PCCA: variants seen among roughly 807,000 people sequenced by gnomAD.
The protein encoded by PCCA is propionyl-CoA carboxylase alpha chain, mitochondrial.
In PCCA, 74 loss-of-function variants were observed where a neutral mutation model predicts 101.3. The ratio of observed to expected loss-of-function variants is 0.73; its 90% CI spans 0.61 to 0.89. The LOEUF (loss-of-function observed/expected upper bound fraction) is 0.89. Ranked by LOEUF, PCCA falls within the 40% of genes least tolerant of loss-of-function variation. The probability of loss-of-function intolerance (pLI) is 0.00; values close to 1 mark genes in which losing one functional copy is unlikely to be tolerated. For synonymous variants in PCCA, 294 were observed against 313.6 expected, an observed-to-expected ratio of 0.94 and a Z score of 0.66; for missense variants, 891 against 907.0, an observed-to-expected ratio of 0.98 and a Z score of 0.23.
chr13:100,483,178 A>T (rs1043341423), intron 21 of PCCA, among the ~76,000 whole-genome samples: 3 of 152,330 alleles, frequency 2.0e-5, no homozygotes, highest in African/African-American at 7.2e-5. Context: ...TCCATCATTA[A>T]AAGTACAACT....
intron 12 of PCCA, among the ~76,000 whole-genome samples, chr13:100,298,952 A>C (rs1321204052): frequency 6.6e-6 from 1 of 151,736 alleles, no homozygotes; most frequent in African/African-American, 2.4e-5. Flanking sequence ...TTGGAATCCT[A>C]TGTATTTAGA....
intron 2 of PCCA, among the ~76,000 whole-genome samples, chr13:100,107,042 C>T (rs955378605): frequency 6.6e-6 from 1 of 152,200 alleles, no homozygotes; most frequent in Non-Finnish European, 1.5e-5. Flanking sequence ...TCATTAAATA[C>T]TGACCTGGTT....
At position 100,437,292 on chromosome 13, in the gene PCCA, T is replaced by C. The variant is rs189949157; in HGVS notation, c.1845+11561T>C. Among the ~76,000 whole-genome samples, 463 of 152,298 alleles carry C rather than the reference T, an allele frequency of 3.0e-3. 1 individual carries two copies. Among genetic ancestry groups the C allele is most frequent in the African/African-American group, 0.011 (440 of 41,578 alleles). Reference sequence around the variant, plus strand: ...GAAAATCATACTCTCGGAAAAAGTCTAATCATTGTGGATAACTTTGAATAT... The same window carrying C: ...GAAAATCATACTCTCGGAAAAAGTCCAATCATTGTGGATAACTTTGAATAT... On this transcript the variant is annotated intron_variant, in intron 20 of 23. Transcript: ENST00000376285.
intron 19 of PCCA, among the ~76,000 whole-genome samples, chr13:100,413,073 CTGGAAAATCCT>C (rs1395372057): frequency 2.6e-5 from 4 of 152,144 alleles, no homozygotes; most frequent in Admixed American, 6.6e-5. Flanking sequence ...TGCAAACCTG[CTGGAAAATCCT>C]TGGTAGATAG....
chr13:100,410,007 A>G (rs1043506580), intron 19 of PCCA, among the ~76,000 whole-genome samples: 6 of 151,912 alleles, frequency 3.9e-5, no homozygotes, highest in Non-Finnish European at 5.9e-5. Flanking sequence ...TGATCCACCC[A>G]CCTCAGCCTC....
intron 6 of PCCA, among the ~76,000 whole-genome samples, chr13:100,173,697 A>G (rs1182717244): frequency 6.6e-6 from 1 of 151,874 alleles, no homozygotes; most frequent in Non-Finnish European, 1.5e-5. Flanking sequence ...TAAATGTGAT[A>G]TGGTTTGGCT....
intron 4 of PCCA, among the ~76,000 whole-genome samples, chr13:100,119,325 G>A (rs1367706996): frequency 2.6e-5 from 4 of 151,520 alleles, no homozygotes; most frequent in Admixed American, 6.6e-5. Context: ...TTGTTTCCTC[G>A]CATGTTTAAA....
At chr13:100,244,066 C>A (rs997096195) in intron 8 of PCCA, among the ~76,000 whole-genome samples, 1 of 152,130 alleles carries the variant, frequency 6.6e-6, no homozygotes, top group Non-Finnish European at 1.5e-5. Context: ...AAAAACATTA[C>A]AATTTATACC....
intron 7 of PCCA, among the ~76,000 whole-genome samples, chr13:100,219,374 G>C (rs1014440637): frequency 3.3e-5 from 5 of 152,160 alleles, no homozygotes; most frequent in African/African-American, 1.2e-4. Flanking sequence ...ATGAATGGTG[G>C]AGTCCTCAAG....
chr13:100,249,199 A>G (rs987760468), intron 8 of PCCA, among the ~76,000 whole-genome samples: 5 of 152,110 alleles, frequency 3.3e-5, no homozygotes, highest in African/African-American at 1.2e-4. Context: ...ATGTTCTTCT[A>G]TTTTTTCTCT....
chr13:100,529,501 C>T lies in PCCA; in HGVS notation c.2119-597C>T, dbSNP rs548587857. Among the ~76,000 whole-genome samples, 3 of 152,246 alleles carry T rather than the reference C, an allele frequency of 2.0e-5. No homozygotes were observed. In the South Asian group the frequency reaches 6.2e-4, roughly 32 times the overall value. On this transcript the variant is annotated intron_variant, in intron 23 of 23. Transcript: ENST00000376285. ...GAAAGCAAAACTTGATAAAGATTGA[C>T]TGAAACCGGTAGGACAAAAAGGCAC...
chr13:100,340,257 A>C lies in PCCA; in HGVS notation c.1641A>C (p.Ser547=). 6.7e-7 allele frequency: 1 copy of C among 1,498,222 alleles called. No homozygotes were observed. The highest frequency in any genetic ancestry group is 9.3e-7 in the Non-Finnish European group (1 of 1,074,360). The allele number at this position is 1,498,222 out of a possible 1,614,324, so 92.8% of individuals were successfully genotyped here. Residue 547 remains serine, a splice_region_variant and synonymous_variant, in exon 18 of 24, where the codon TCA becomes TCC. Transcript: ENST00000376285. ...GAGCACAACATTTTCAAGAAAATTC[A>C]AGGTATGGTAGATCATTTAAAACAG... is the stretch of plus-strand genomic sequence containing the variant. The part of the protein sequence containing the change: ...QLRAQHFQEN[S]RMPVIKPDIA...
chr13:100,089,882 A>AC (rs1303726154), intron 1 of PCCA, among the ~76,000 whole-genome samples: 1 of 152,100 alleles, frequency 6.6e-6, no homozygotes, highest in African/African-American at 2.4e-5. Context: ...TGTTCTGTAT[A>AC]CCTAGGCTGT....
intron 20 of PCCA, among the ~76,000 whole-genome samples, chr13:100,440,195 TATATATATATATATAA>T (rs1197133915): frequency 1.9e-4 from 13 of 67,740 alleles, no homozygotes; most frequent in African/African-American, 7.4e-4. Flanking sequence ...TATATATATA[TATATATATATATATAA>T]AACGTGATAA....
At chr13:100,430,268 AAAAC>A (rs1019335153) in intron 20 of PCCA, among the ~76,000 whole-genome samples, 9 of 152,266 alleles carry the variant, frequency 5.9e-5, no homozygotes, top group East Asian at 3.9e-4. Context: ...CTCCGTCTCA[AAAAC>A]AAACAAACAA....
intron 16 of PCCA, among the ~76,000 whole-genome samples, chr13:100,317,464 A>G (rs1343293767): frequency 6.6e-6 from 1 of 152,146 alleles, no homozygotes; most frequent in East Asian, 1.9e-4. Flanking sequence ...CAGGCATCTC[A>G]AATTTAACTT....
At chr13:100,366,335 T>A (rs377014165) in intron 18 of PCCA, among the ~76,000 whole-genome samples, 1 of 152,104 alleles carries the variant, frequency 6.6e-6, no homozygotes, top group South Asian at 2.1e-4. Flanking sequence ...GTGCTCTTGC[T>A]CTCCTGGGCA....
At chr13:100,330,293 A>G (rs2069353117) in intron 16 of PCCA, among the ~76,000 whole-genome samples, 2 of 152,230 alleles carry the variant, frequency 1.3e-5, no homozygotes, top group Admixed American at 1.3e-4. Flanking sequence ...TTTAAAATTC[A>G]CGGCCCAAAA....
intron 19 of PCCA, among the ~76,000 whole-genome samples, chr13:100,409,770 G>GTTTA (rs891432395): frequency 6.6e-6 from 1 of 152,036 alleles, no homozygotes; most frequent in Non-Finnish European, 1.5e-5. Context: ...ACCCCCACTC[G>GTTTA]TTTATTTATT....
Sources: gnomAD v4.1 joint callset for allele counts (sites outside exome capture counted in the v4.1 genomes callset) on GRCh38, gnomAD v4.1.1 for gene constraint, MANE v1.5 for transcripts, NCBI Gene and HGNC (gene_info 2026-07-23, HGNC 2026-07-21) for gene names.